ERBB4: variants seen among roughly 807,000 people sequenced by gnomAD.
ERBB4 encodes the protein erb-b2 receptor tyrosine kinase 4, also known as receptor tyrosine-protein kinase erbB-4.
A neutral mutation model predicts 158.0 loss-of-function variants in ERBB4; 42 were observed. The ratio of observed to expected loss-of-function variants is 0.27; its 90% CI spans 0.21 to 0.34. The LOEUF is 0.34. Ranked by LOEUF, ERBB4 falls within the 10% of genes least tolerant of loss-of-function variation. ERBB4 has a pLI of 1.00. For synonymous variants in ERBB4, 583 were observed against 558.7 expected, an observed-to-expected ratio of 1.04 and a Z score of -0.61; for missense variants, 1,333 against 1,624.1, an observed-to-expected ratio of 0.82 and a Z score of 3.08.
chr2:212,249,728 C>A (rs2084458048), intron 1 of ERBB4, among the ~76,000 whole-genome samples: 1 of 152,016 alleles, frequency 6.6e-6, no homozygotes, highest in Admixed American at 6.6e-5. Context: ...TAGGATTTCT[C>A]ATTTATGGGT....
chr2:211,380,122 T>G lies in ERBB4; in HGVS notation c.*3493A>C, dbSNP rs751588478. ...TCACTTGATTTTAGTTTGTGTGTTTTAATAGAAATTTGAGTTTTGCGTTGT... is the reference window on the plus strand; with the variant it reads ...TCACTTGATTTTAGTTTGTGTGTTTGAATAGAAATTTGAGTTTTGCGTTGT... On this transcript the variant is annotated 3_prime_UTR_variant, in exon 28 of 28. Coordinates refer to ENST00000342788, the MANE Select transcript of ERBB4 (RefSeq NM_005235.3). 6.5e-5 allele frequency: 15 copies of G among 232,110 alleles called. No homozygotes were observed. Among genetic ancestry groups the G allele is most frequent in the African/African-American group, 3.1e-4 (14 of 45,304 alleles). 14.4% of individuals were successfully genotyped at this position (232,110 alleles called of 1,614,324 possible).
At chr2:211,909,584 A>C (rs536442366) in intron 3 of ERBB4, among the ~76,000 whole-genome samples, 15 of 151,786 alleles carry the variant, frequency 9.9e-5, no homozygotes, top group Non-Finnish European at 1.8e-4. Context: ...ATCATAGAAA[A>C]AGTACAGTAA....
intron 1 of ERBB4, among the ~76,000 whole-genome samples, chr2:212,160,001 G>C (rs1426277015): frequency 6.6e-6 from 1 of 151,960 alleles, no homozygotes; most frequent in African/African-American, 2.4e-5. Flanking sequence ...CTTTACAACA[G>C]GTTTCTCAAG....
chr2:212,146,421 T>C (rs2080675281), intron 1 of ERBB4, among the ~76,000 whole-genome samples: 1 of 152,200 alleles, frequency 6.6e-6, no homozygotes, highest in African/African-American at 2.4e-5. Flanking sequence ...TCTAGAAGCA[T>C]ATGGTGCTAA....
At chr2:212,149,141 T>C (rs968851566) in intron 1 of ERBB4, among the ~76,000 whole-genome samples, 2 of 145,574 alleles carry the variant, frequency 1.4e-5, no homozygotes, top group Non-Finnish European at 3.0e-5. Context: ...AATGTGCACA[T>C]GTACCCTAAA....
chr2:211,832,587 T>C (rs1312017143), intron 3 of ERBB4, among the ~76,000 whole-genome samples: 1 of 150,926 alleles, frequency 6.6e-6, no homozygotes, highest in Non-Finnish European at 1.5e-5. Context: ...TGTATATATA[T>C]ATACACATAA....
chr2:212,076,353 A>C (rs13015590), intron 2 of ERBB4, among the ~76,000 whole-genome samples: 3,251 of 152,096 alleles, frequency 0.021, 127 homozygotes, highest in African/African-American at 0.074. Flanking sequence ...ATTGAATAAG[A>C]CAGATGTTTT....
At chr2:212,354,584 G>C (rs1261896085) in intron 1 of ERBB4, among the ~76,000 whole-genome samples, 1 of 152,080 alleles carries the variant, frequency 6.6e-6, no homozygotes, top group Non-Finnish European at 1.5e-5. Context: ...TCTTACACCA[G>C]CAATTTCAAA....
At chr2:212,503,265 T>C (rs1044776630) in intron 1 of ERBB4, among the ~76,000 whole-genome samples, 3 of 152,232 alleles carry the variant, frequency 2.0e-5, no homozygotes, top group Non-Finnish European at 4.4e-5. Context: ...ACAAGTTATA[T>C]CATTTTAGAG....
At chr2:211,829,161 A>G (rs1414201619) in intron 3 of ERBB4, among the ~76,000 whole-genome samples, 1 of 152,160 alleles carries the variant, frequency 6.6e-6, no homozygotes, top group Non-Finnish European at 1.5e-5. Flanking sequence ...GGATCTTGAT[A>G]ATGACTTACA....
chr2:211,740,622 C>CTTTTTTTTTTTTTTTTTTTTTTTT (rs1169540948), intron 5 of ERBB4, among the ~76,000 whole-genome samples: 3 of 90,174 alleles, frequency 3.3e-5, no homozygotes, highest in African/African-American at 4.8e-5. Flanking sequence ...TTTTCTTTGT[C>CTTTTTTTTTTTTTTTTTTTTTTTT]TTTTTTTTTT....
chr2:212,312,983 C>A (rs1484410474), intron 1 of ERBB4, among the ~76,000 whole-genome samples: 2 of 150,670 alleles, frequency 1.3e-5, no homozygotes, highest in Admixed American at 6.6e-5. Flanking sequence ...AAATTAATGT[C>A]TTTTTTTAAT....
chr2:211,944,179 A>ATATATATATATAG (rs1559154571), intron 3 of ERBB4, among the ~76,000 whole-genome samples: 1 of 5,412 alleles, frequency 1.8e-4, no homozygotes, highest in Non-Finnish European at 3.6e-4. Flanking sequence ...TATATATACT[A>ATATATATATATAG]TATATATATA....
At chr2:211,597,890 G>A in intron 19 of ERBB4, among the ~76,000 whole-genome samples, 1 of 151,962 alleles carries the variant, frequency 6.6e-6, no homozygotes, top group East Asian at 1.9e-4. Flanking sequence ...CAAAAAGAAA[G>A]ATTATATCTT....
chr2:211,515,413 C>T (rs2065996230), intron 20 of ERBB4, among the ~76,000 whole-genome samples: 1 of 152,064 alleles, frequency 6.6e-6, no homozygotes, highest in South Asian at 2.1e-4. Flanking sequence ...AATTCCCAAA[C>T]ACAGGGAAGT....
At chr2:212,055,095 C>T (rs941399485) in intron 2 of ERBB4, among the ~76,000 whole-genome samples, 2 of 152,184 alleles carry the variant, frequency 1.3e-5, no homozygotes, top group African/African-American at 4.8e-5. Flanking sequence ...TCGGGTCACT[C>T]CCACCCTAAT....
intron 3 of ERBB4, among the ~76,000 whole-genome samples, chr2:211,830,812 T>C (rs1232440499): frequency 6.6e-6 from 1 of 152,148 alleles, no homozygotes; most frequent in African/African-American, 2.4e-5. Flanking sequence ...CGTGATCTTT[T>C]AATTATATTT....
intron 4 of ERBB4, among the ~76,000 whole-genome samples, chr2:211,765,027 C>T (rs1236919426): frequency 1.3e-5 from 2 of 152,124 alleles, no homozygotes; most frequent in Admixed American, 6.6e-5. Flanking sequence ...CAATAACAGT[C>T]AGGGTGGAGG....
chr2:211,418,331 G>A (rs1484681860), intron 25 of ERBB4, among the ~76,000 whole-genome samples: 1 of 152,092 alleles, frequency 6.6e-6, no homozygotes, highest in Non-Finnish European at 1.5e-5. Context: ...CGTAAAGCCA[G>A]ACTGAAAACT....
Sources: gnomAD v4.1 joint callset for allele counts (sites outside exome capture counted in the v4.1 genomes callset) on GRCh38, gnomAD v4.1.1 for gene constraint, MANE v1.5 for transcripts, NCBI Gene and HGNC (gene_info 2026-07-23, HGNC 2026-07-21) for gene names.